The following ASIC2 variants were observed in gnomAD, a reference collection of about 807,000 sequenced individuals.
ASIC2 encodes acid sensing ion channel subunit 2.
ASIC2 carries 25 observed loss-of-function variants against 57.3 expected under a neutral mutation model. That is an observed-to-expected ratio of 0.44 (90% CI 0.32 to 0.61). The LOEUF (loss-of-function observed/expected upper bound fraction) is 0.61. Ranked by LOEUF, ASIC2 falls within the 20% of genes least tolerant of loss-of-function variation. The pLI, the probability that ASIC2 is intolerant of heterozygous loss-of-function variation, is 0.06. For missense variants in ASIC2, 641 were observed against 738.1 expected, an observed-to-expected ratio of 0.87 and a Z score of 1.52; for synonymous variants, 319 against 307.5, an observed-to-expected ratio of 1.04 and a Z score of -0.39.
At chr17:33,759,895 G>A (rs922173603) in intron 1 of ASIC2, among the ~76,000 whole-genome samples, 3 of 152,168 alleles carry the variant, frequency 2.0e-5, no homozygotes, top group Non-Finnish European at 4.4e-5. Flanking sequence ...GCAGAGACTT[G>A]TTGCAGGGGT....
In ASIC2 at chr17:33,546,512, C is replaced by T. The variant is rs73983975; in HGVS notation, c.556-434445G>A. On this transcript the variant is annotated intron_variant, in intron 1 of 9. Transcript: ENST00000359872. The stretch of plus-strand genomic sequence containing the variant: ...GGCATCAGGCAATAGTGAGACAAAG[C>T]TGCAGCCCTGTCACTTTCTACCTAT... Among the ~76,000 whole-genome samples the T allele has an allele frequency of 6.3e-3, 960 of 152,296 alleles. 11 individuals are homozygous for T. The highest frequency in any genetic ancestry group is 0.022 in the African/African-American group (925 of 41,560).
At chr17:33,792,056 TG>T (rs1233358423) in intron 1 of ASIC2, 1 of 152,154 alleles carries the variant, frequency 6.6e-6, no homozygotes, top group Non-Finnish European at 1.5e-5. Context: ...GTGATCCACC[TG>T]CTTGGCCTCC....
intron 1 of ASIC2, among the ~76,000 whole-genome samples, chr17:33,815,895 T>TTGGG (rs746448616): frequency 6.6e-6 from 1 of 152,136 alleles, no homozygotes; most frequent in Non-Finnish European, 1.5e-5. Flanking sequence ...AGGAAGTGTA[T>TTGGG]TGGGTACTTA....
chr17:33,957,949 G>C (rs981688024), intron 1 of ASIC2, among the ~76,000 whole-genome samples: 1 of 152,222 alleles, frequency 6.6e-6, no homozygotes, highest in Non-Finnish European at 1.5e-5. Flanking sequence ...TAAAGGCATT[G>C]GGTAAATACA....
chr17:33,291,976 G>C lies in ASIC2; in HGVS notation c.140C>G (p.Ala47Gly). The change falls in exon 1 of 10, where the codon GCG becomes GGG. Residue 47 changes from alanine (A) to glycine (G), a missense_variant. Physicochemically the swap from Ala to Gly is moderately conservative, Grantham distance 60. This residue lies in a region of ASIC2 where 382 missense variants were observed against 398.0 expected (regional missense o/e 0.96). Transcript: ENST00000225823. ...GCGGGCGACCCCTGGCCCCTGCAGC[G>C]CCCGCTCGCCGCCTCTGCCGCCCCC... The part of the protein sequence containing the change: ...QPGGGRGGER[A>G]LQGPGVARRG... The C allele has an allele frequency of 7.6e-7, 1 of 1,317,366 alleles. No homozygotes were observed. The highest frequency in any genetic ancestry group is 2.4e-5 in the South Asian group (1 of 41,442). 81.6% of individuals were successfully genotyped at this position (1,317,366 alleles called of 1,614,324 possible).
chr17:34,020,392 A>G (rs1423267861), intron 1 of ASIC2, among the ~76,000 whole-genome samples: 1 of 152,148 alleles, frequency 6.6e-6, no homozygotes, highest in Non-Finnish European at 1.5e-5. Context: ...CCCAGATCCA[A>G]GTTCAAGAGT....
intron 1 of ASIC2, among the ~76,000 whole-genome samples, chr17:33,833,257 T>C (rs1356161364): frequency 2.0e-5 from 3 of 152,190 alleles, no homozygotes; most frequent in Non-Finnish European, 4.4e-5. Context: ...ATGTTATGTC[T>C]GTTTCGTTTA....
intron 1 of ASIC2, chr17:33,541,161 T>C (rs1308599371): frequency 1.3e-5 from 2 of 152,208 alleles, no homozygotes; most frequent in African/African-American, 2.4e-5. Context: ...TTGACAAGTT[T>C]AATACTTAAG....
intron 1 of ASIC2, among the ~76,000 whole-genome samples, chr17:33,922,251 T>C (rs1440303933): frequency 1.3e-5 from 2 of 152,274 alleles, no homozygotes; most frequent in Non-Finnish European, 2.9e-5. Flanking sequence ...CTCTGTCCCA[T>C]CATTTTCTCA....
At chr17:33,782,289 T>C (rs1242662713) in intron 1 of ASIC2, among the ~76,000 whole-genome samples, 1 of 152,268 alleles carries the variant, frequency 6.6e-6, no homozygotes, top group South Asian at 2.1e-4. Context: ...AAGTTTAACA[T>C]TTTTACATTT....
intron 1 of ASIC2, among the ~76,000 whole-genome samples, chr17:33,352,371 C>A (rs1475240073): frequency 1.3e-5 from 2 of 152,072 alleles, no homozygotes; most frequent in African/African-American, 4.8e-5. Context: ...GCACTTGAAG[C>A]CAGCCCATTA....
intron 1 of ASIC2, among the ~76,000 whole-genome samples, chr17:33,285,017 CTCCAATTGACA>C (rs1905089982): frequency 6.6e-6 from 1 of 152,196 alleles, no homozygotes; most frequent in Non-Finnish European, 1.5e-5. Context: ...TGTGCATTGA[CTCCAATTGACA>C]TCCAATTGAG....
chr17:33,449,739 C>T (rs775584569), intron 1 of ASIC2, among the ~76,000 whole-genome samples: 21 of 151,984 alleles, frequency 1.4e-4, no homozygotes, highest in Non-Finnish European at 3.1e-4. Context: ...TCCAAAGCTA[C>T]ACAAAGGATT....
In ASIC2 at chr17:33,292,147, C is replaced by A; in HGVS notation, c.-32G>T. ...AGCCCGCGGCTGGCGGCAGCGGCGGCGGCCCCGGCCGGGCGGAGCCGCCAT... is the reference window on the plus strand; with the variant it reads ...AGCCCGCGGCTGGCGGCAGCGGCGGAGGCCCCGGCCGGGCGGAGCCGCCAT... On this transcript the variant is annotated 5_prime_UTR_variant, in exon 1 of 10. Transcript: ENST00000225823. 1 of 1,028,410 alleles carries A rather than the reference C, an allele frequency of 9.7e-7. No individual in the cohort carries two copies. Among genetic ancestry groups the A allele is most frequent in the East Asian group, 8.8e-5 (1 of 11,424 alleles). The allele number at this position is 1,028,410 out of a possible 1,614,324, so 63.7% of individuals were successfully genotyped here.
chr17:33,570,380 C>A (rs1916393060), intron 1 of ASIC2, among the ~76,000 whole-genome samples: 1 of 152,196 alleles, frequency 6.6e-6, no homozygotes, highest in South Asian at 2.1e-4. Flanking sequence ...GAGTCCTGGG[C>A]ACCTGTGAGG....
Position 33,078,517 on chromosome 17 carries a change from C to T in ASIC2, c.987+10346G>A, listed in dbSNP as rs9892621. On this transcript the variant is annotated intron_variant, in intron 3 of 9. Coordinates refer to ENST00000225823, the MANE Select transcript of ASIC2 (RefSeq NM_183377.2). Reference sequence around the variant, plus strand: ...ACAATATTCGATCCATCCTTCATTCCATCTAAGAACTGTAAGACCTAATCT... The same window carrying T: ...ACAATATTCGATCCATCCTTCATTCTATCTAAGAACTGTAAGACCTAATCT... 5.4e-3 allele frequency among the ~76,000 whole-genome samples: 825 copies of T among 152,326 alleles called. 7 individuals are homozygous for T. Among genetic ancestry groups the T allele is most frequent in the African/African-American group, 0.018 (755 of 41,572 alleles).
rs561786863 is a variant in ASIC2, at chr17:33,445,755, C to A, written c.556-333688G>T. Among the ~76,000 whole-genome samples, 455 of 140,630 alleles carry A rather than the reference C, an allele frequency of 3.2e-3. 1 individual carries two copies. Among genetic ancestry groups the A allele is most frequent in the African/African-American group, 0.011 (440 of 38,314 alleles). The allele number at this position is 140,630 out of a possible 152,430, so 92.3% of individuals were successfully genotyped here. ...CAGGTTGTGGTGAGCCAAGATCACA[C>A]CATTGGACTCCAGTCTGGGCAACAA... On this transcript the variant is annotated intron_variant, in intron 1 of 9. Transcript: ENST00000359872.
chr17:34,000,473 G>A (rs560206169), intron 1 of ASIC2, among the ~76,000 whole-genome samples: 18 of 152,106 alleles, frequency 1.2e-4, no homozygotes, highest in Middle Eastern at 3.4e-3. Context: ...GGCTGATCTC[G>A]AACTTCTGAC....
At chr17:33,708,629 C>T (rs1432711107) in intron 1 of ASIC2, among the ~76,000 whole-genome samples, 3 of 152,120 alleles carry the variant, frequency 2.0e-5, no homozygotes, top group African/African-American at 4.8e-5. Flanking sequence ...CCTCTGTTCT[C>T]TATGGGATGA....
Sources: gnomAD v4.1 joint callset for allele counts (sites outside exome capture counted in the v4.1 genomes callset) on GRCh38, gnomAD v4.1.1 for gene constraint, gnomAD v4.1.1 regional missense constraint, MANE v1.5 for transcripts, NCBI Gene and HGNC (gene_info 2026-07-23, HGNC 2026-07-21) for gene names.